METTL21A: variants seen among roughly 807,000 people sequenced by gnomAD.
The protein encoded by METTL21A is protein N-lysine methyltransferase METTL21A.
METTL21A carries 22 observed loss-of-function variants against 20.9 expected under a neutral mutation model. The observed-to-expected ratio is 1.05, with a 90% CI of 0.75 to 1.50. METTL21A has a LOEUF of 1.50. METTL21A is among the 40% of genes most tolerant of loss of function. The pLI is 0.00. For missense variants in METTL21A, 271 were observed against 266.8 expected, an observed-to-expected ratio of 1.02 and a Z score of -0.11; for synonymous variants, 93 against 102.0, an observed-to-expected ratio of 0.91 and a Z score of 0.53.
exon 2 of METTL21A, chr2:207,624,333 G>C (rs2090862894): frequency 6.2e-7 from 1 of 1,613,906 alleles, no homozygotes; most frequent in African/African-American, 1.3e-5. Flanking sequence ...TGGAATTTCT[G>C]CAACCCAAAT....
At chr2:207,617,047 A>G (rs1023515207) in intron 3 of METTL21A, among the ~76,000 whole-genome samples, 4 of 152,200 alleles carry the variant, frequency 2.6e-5, no homozygotes, top group African/African-American at 7.2e-5. Flanking sequence ...GGAGGGTGAG[A>G]CAGTATTTAG....
intron 3 of METTL21A, chr2:207,620,681 C>G: frequency 6.5e-7 from 1 of 1,534,944 alleles, no homozygotes; most frequent in Non-Finnish European, 8.7e-7. Context: ...AGGGCTTCAT[C>G]GATGACTTAA....
At chr2:207,618,122 T>A (rs1012724384) in intron 3 of METTL21A, among the ~76,000 whole-genome samples, 8 of 152,194 alleles carry the variant, frequency 5.3e-5, no homozygotes, top group Non-Finnish European at 8.8e-5. Flanking sequence ...TTCCTCAGCA[T>A]TATATTTCAA....
At chr2:207,622,549 T>G (rs1360327768) in intron 2 of METTL21A, among the ~76,000 whole-genome samples, 1 of 151,572 alleles carries the variant, frequency 6.6e-6, no homozygotes, top group African/African-American at 2.4e-5. Context: ...ACAATTTCTA[T>G]GATTTTGTTT....
intron 3 of METTL21A, among the ~76,000 whole-genome samples, chr2:207,618,107 G>T (rs1237990963): frequency 6.6e-6 from 1 of 152,206 alleles, no homozygotes; most frequent in African/African-American, 2.4e-5. Flanking sequence ...ATCAAAGACA[G>T]TATCTTCCTC....
At position 207,604,071 on chromosome 2, in the gene METTL21A, T is replaced by C. The variant is rs140564236; in HGVS notation, c.259+17735A>G. Among the ~76,000 whole-genome samples the C allele has an allele frequency of 6.6e-4, 101 of 152,294 alleles. 1 individual carries two copies. The highest frequency in any genetic ancestry group is 2.3e-3 in the African/African-American group (95 of 41,574). On this transcript the variant is annotated intron_variant, in intron 3 of 3. Transcript: ENST00000425132. The stretch of plus-strand genomic sequence containing the variant: ...AAAATGAGACATTTTGAGAGTGATA[T>C]TAATTACATGAGGGACAATAGGCAT...
chr2:207,621,951 T>TCAA (rs1236856361), intron 2 of METTL21A, 34 bp from the exon 3 acceptor site: 1 of 1,584,940 alleles, frequency 6.3e-7, no homozygotes, highest in Admixed American at 1.7e-5. Context: ...ACGATTAAGG[T>TCAA]CAACATGTGC....
At chr2:207,603,076 A>G (rs1024329317) in intron 3 of METTL21A, 2 of 210,910 alleles carry the variant, frequency 9.5e-6, no homozygotes, top group African/African-American at 4.5e-5. Flanking sequence ...TGATGTTTCT[A>G]TTGGAGTTGA....
chr2:207,598,898 G>A, intron 3 of METTL21A: 1 of 178,782 alleles, frequency 5.6e-6, no homozygotes, highest in Non-Finnish European at 1.2e-5. Flanking sequence ...AAAAAGAGTT[G>A]AGACACTTAG....
downstream of METTL21A, among the ~76,000 whole-genome samples, chr2:207,607,334 CA>C (rs1425939753): frequency 5.3e-5 from 8 of 151,828 alleles, no homozygotes; most frequent in Admixed American, 1.3e-4. Context: ...TGCAGTGTGC[CA>C]AGATCACACC....
chr2:207,625,346 A>AGC lies in METTL21A; in HGVS notation c.-113_-112dup, dbSNP rs1471646244. The AGC allele has an allele frequency of 1.1e-4, 17 of 152,036 alleles. No individual in the cohort carries two copies. Among genetic ancestry groups the AGC allele is most frequent in the Admixed American group, 1.1e-3 (17 of 15,292 alleles). The allele number at this position is 152,036 out of a possible 1,614,324, so 9.4% of individuals were successfully genotyped here. Reference sequence around the variant, plus strand: ...GCTGCGAAAACCGCCGGCCTTAAAGAGCCCGCGACGCGGGGGCGGGCGGCC... The same window carrying AGC: ...GCTGCGAAAACCGCCGGCCTTAAAGAGCGCCCGCGACGCGGGGGCGGGCGGCC... On this transcript the variant is annotated 5_prime_UTR_variant, in exon 1 of 4. It removes the in-frame stop codon of an upstream open reading frame in the 5' UTR. Coordinates refer to ENST00000406927, the Ensembl canonical transcript of METTL21A.
At chr2:207,617,830 A>G (rs2089981267) in intron 3 of METTL21A, among the ~76,000 whole-genome samples, 1 of 152,178 alleles carries the variant, frequency 6.6e-6, no homozygotes, top group Non-Finnish European at 1.5e-5. Context: ...AGACAGATCC[A>G]GGAAATAGTT....
intron 3 of METTL21A, among the ~76,000 whole-genome samples, chr2:207,590,197 T>C (rs2084745733): frequency 1.3e-5 from 2 of 150,466 alleles, no homozygotes; most frequent in South Asian, 2.1e-4. Flanking sequence ...TTCAAAGTTA[T>C]CAAATTCATG....
At chr2:207,607,213 C>T (rs952490464), downstream of METTL21A, among the ~76,000 whole-genome samples, 6 of 152,126 alleles carry the variant, frequency 3.9e-5, no homozygotes, top group African/African-American at 1.2e-4. Flanking sequence ...ATAATTAAAA[C>T]CCCATCTCTA....
chr2:207,615,705 A>AG (rs1380024682), intron 3 of METTL21A: 51 of 152,092 alleles, frequency 3.4e-4, no homozygotes, highest in African/African-American at 1.1e-3. Flanking sequence ...AAAAAAAAAA[A>AG]AAAAGAAAAG....
chr2:207,624,314 A>G (rs1305464534), exon 2 of METTL21A: 1 of 1,613,902 alleles, frequency 6.2e-7, no homozygotes, highest in East Asian at 2.2e-5. Context: ...AAAAGTTGCA[A>G]GAGGCTTGTG....
At chr2:207,606,815 T>A (rs2088186650), downstream of METTL21A, among the ~76,000 whole-genome samples, 1 of 152,146 alleles carries the variant, frequency 6.6e-6, no homozygotes, top group Non-Finnish European at 1.5e-5. Flanking sequence ...AAATTTTATT[T>A]TTGTTCATTT....
chr2:207,592,530 C>T (rs1308292218), intron 3 of METTL21A, among the ~76,000 whole-genome samples: 1 of 152,076 alleles, frequency 6.6e-6, no homozygotes, highest in Non-Finnish European at 1.5e-5. Flanking sequence ...ATATAATATG[C>T]CTAGGGATTT....
exon 4 of METTL21A, chr2:207,612,930 G>A (rs2089162716): frequency 9.2e-7 from 1 of 1,086,490 alleles, no homozygotes; most frequent in East Asian, 2.5e-5. Flanking sequence ...TCTCCCCTGA[G>A]AACCTTTGGC....
Sources: gnomAD v4.1 joint callset for allele counts (sites outside exome capture counted in the v4.1 genomes callset) on GRCh38, gnomAD v4.1.1 for gene constraint, MANE v1.5 for transcripts, NCBI Gene and HGNC (gene_info 2026-07-23, HGNC 2026-07-21) for gene names.